The following GABRA2 variants were observed in gnomAD, a reference collection of about 807,000 sequenced individuals.
The protein encoded by GABRA2 is gamma-aminobutyric acid receptor subunit alpha-2.
Under a neutral mutation model 48.7 loss-of-function variants are expected in GABRA2, and 16 were observed. That is an observed-to-expected ratio of 0.33 (90% CI 0.22 to 0.50). The LOEUF (loss-of-function observed/expected upper bound fraction) is 0.50, where lower values mean the gene tolerates loss of function less well. GABRA2 is among the 20% of genes least tolerant of loss of function. The probability of loss-of-function intolerance (pLI) is 0.98; values close to 1 mark genes in which losing one functional copy is unlikely to be tolerated. For missense variants in GABRA2, 275 were observed against 535.6 expected (o/e 0.51, Z 4.80); for synonymous variants, 185 against 184.5 (o/e 1.00, Z -0.02).
chr4:46,256,444 T>C (rs932298070), intron 9 of GABRA2: 1 of 423,416 alleles, frequency 2.4e-6, no homozygotes, highest in Non-Finnish European at 4.2e-6. Context: ...CTTTCTACAG[T>C]ACCCAGCTTC....
Position 46,356,189 on chromosome 4 carries a change from A to C in GABRA2, c.188-23507T>G, listed in dbSNP as rs150642065. On this transcript the variant is annotated intron_variant, in intron 3 of 9. Coordinates refer to ENST00000381620, the MANE Select transcript of GABRA2 (RefSeq NM_000807.4). ...TTGTGCTCCTCAGAAAACTTTAATA[A>C]TGCTGGACATCTCGGAAAATCAAAA... 4.6e-3 allele frequency among the ~76,000 whole-genome samples: 700 copies of C among 152,280 alleles called. 6 individuals carry two copies. Among genetic ancestry groups the C allele is most frequent in the African/African-American group, 0.016 (676 of 41,566 alleles).
At chr4:46,324,092 T>C (rs1215377900) in intron 4 of GABRA2, among the ~76,000 whole-genome samples, 1 of 151,980 alleles carries the variant, frequency 6.6e-6, no homozygotes, top group East Asian at 1.9e-4. Flanking sequence ...ACTCTTTCTC[T>C]ATTTCCTCAC....
At chr4:46,288,713 T>C (rs544576395) in intron 8 of GABRA2, among the ~76,000 whole-genome samples, 43 of 152,152 alleles carry the variant, frequency 2.8e-4, no homozygotes, top group African/African-American at 9.4e-4. Context: ...AATTGACAAA[T>C]GGGATCTAAT....
chr4:46,259,134 A>C (rs1716437334), intron 9 of GABRA2, among the ~76,000 whole-genome samples: 1 of 151,872 alleles, frequency 6.6e-6, no homozygotes, highest in Non-Finnish European at 1.5e-5. Context: ...TAACTAATGG[A>C]ACAGGTTTGA....
chr4:46,345,364 G>T (rs1350626215), intron 3 of GABRA2, among the ~76,000 whole-genome samples: 1 of 151,796 alleles, frequency 6.6e-6, no homozygotes, highest in Non-Finnish European at 1.5e-5. Flanking sequence ...ATATTCCCTT[G>T]ACAATCACAA....
At chr4:46,332,158 A>G (rs1467180139) in intron 4 of GABRA2, among the ~76,000 whole-genome samples, 2 of 152,178 alleles carry the variant, frequency 1.3e-5, no homozygotes, top group Non-Finnish European at 2.9e-5. Flanking sequence ...TGTAGATAGC[A>G]TAACAAGGCA....
intron 8 of GABRA2, among the ~76,000 whole-genome samples, chr4:46,266,996 T>C (rs139625589): frequency 9.2e-5 from 14 of 152,172 alleles, no homozygotes; most frequent in African/African-American, 3.4e-4. Context: ...AGTGCTGGGA[T>C]TACAGGTGTG....
At chr4:46,274,416 A>G (rs1720088724) in intron 8 of GABRA2, among the ~76,000 whole-genome samples, 1 of 152,072 alleles carries the variant, frequency 6.6e-6, no homozygotes, top group African/African-American at 2.4e-5. Flanking sequence ...TAACCCTTGC[A>G]TTTTACTGGT....
intron 3 of GABRA2, among the ~76,000 whole-genome samples, chr4:46,340,306 C>T (rs1732998279): frequency 6.6e-6 from 1 of 151,738 alleles, no homozygotes; most frequent in Admixed American, 6.6e-5. Context: ...AAAGTTATAC[C>T]ACATTACTCT....
chr4:46,301,460 A>T (rs1368096285), intron 8 of GABRA2, among the ~76,000 whole-genome samples: 1 of 152,188 alleles, frequency 6.6e-6, no homozygotes, highest in Non-Finnish European at 1.5e-5. Flanking sequence ...TATTACGATG[A>T]CCTATAAGGC....
chr4:46,323,446 C>A (rs994236893), intron 4 of GABRA2, among the ~76,000 whole-genome samples: 1 of 152,080 alleles, frequency 6.6e-6, no homozygotes, highest in African/African-American at 2.4e-5. Flanking sequence ...GTATCTACCA[C>A]CCACATCCCC....
chr4:46,305,779 G>A (rs574062395), intron 6 of GABRA2, 68 bp from the exon 7 acceptor site: 8 of 1,157,382 alleles, frequency 6.9e-6, no homozygotes, highest in South Asian at 1.4e-5. Context: ...CTACACGAAC[G>A]GTTGTGTATT....
intron 9 of GABRA2, 34 bp from the exon 10 acceptor site, chr4:46,250,638 G>A (rs764404981): frequency 2.0e-6 from 3 of 1,489,428 alleles, no homozygotes. Context: ...CAGAGTGTGG[G>A]TTGAGTCTGC....
At chr4:46,367,882 G>A (rs1033319059) in intron 3 of GABRA2, 1 of 152,114 alleles carries the variant, frequency 6.6e-6, no homozygotes, top group Admixed American at 6.5e-5. Flanking sequence ...CCACTTCTGA[G>A]TAAATGGTAG....
chr4:46,305,742 A>G (rs1289320790), intron 6 of GABRA2, 31 bp from the exon 7 acceptor site: 1 of 1,537,640 alleles, frequency 6.5e-7, no homozygotes, highest in East Asian at 2.3e-5. Flanking sequence ...TATTTTAAGC[A>G]TTTTAGTAAG....
At chr4:46,276,694 C>A (rs1414047766) in intron 8 of GABRA2, among the ~76,000 whole-genome samples, 1 of 150,928 alleles carries the variant, frequency 6.6e-6, no homozygotes, top group Non-Finnish European at 1.5e-5. Flanking sequence ...GTCAAATTTT[C>A]TCTTTGGTGC....
intron 4 of GABRA2, among the ~76,000 whole-genome samples, chr4:46,328,356 G>T (rs1421457181): frequency 1.3e-5 from 2 of 151,226 alleles, no homozygotes; most frequent in Non-Finnish European, 2.9e-5. Flanking sequence ...TTTTTGCTAT[G>T]CTGCTTTTTT....
intron 9 of GABRA2, chr4:46,261,007 A>T (rs907156434): frequency 6.6e-6 from 1 of 151,964 alleles, no homozygotes; most frequent in Non-Finnish European, 1.5e-5. Context: ...TGTTAATCCA[A>T]ATTTAATAAA....
At chr4:46,296,153 C>G (rs181927621) in intron 8 of GABRA2, among the ~76,000 whole-genome samples, 4 of 152,118 alleles carry the variant, frequency 2.6e-5, no homozygotes, top group African/African-American at 4.8e-5. Context: ...GAATCAGCAT[C>G]TCATATATGA....
Sources: allele counts gnomAD v4.1 joint callset (sites outside exome capture counted in the v4.1 genomes callset), GRCh38; gene constraint gnomAD v4.1.1; transcripts MANE v1.5; gene names NCBI Gene and HGNC (gene_info 2026-07-23, HGNC 2026-07-21).